MAP2: variants seen among roughly 807,000 people sequenced by gnomAD.
MAP2 encodes microtubule-associated protein 2.
Under a neutral mutation model 137.6 loss-of-function variants are expected in MAP2, and 14 were observed. The ratio of observed to expected loss-of-function variants is 0.10; its 90% CI spans 0.07 to 0.16. The LOEUF is 0.16. MAP2 is among the 10% of genes least tolerant of loss of function. The pLI is 1.00. For missense variants in MAP2, 2,088 were observed against 2,191.5 expected (o/e 0.95, Z 0.94); for synonymous variants, 786 against 782.3 (o/e 1.00, Z -0.08).
chr2:209,481,597 A>G (rs760440412), intron 1 of MAP2, among the ~76,000 whole-genome samples: 32 of 152,316 alleles, frequency 2.1e-4, no homozygotes, highest in Non-Finnish European at 4.0e-4. Context: ...TGTGTGGTCA[A>G]CCACATCTAA....
chr2:209,486,693 C>T (rs537665510), intron 1 of MAP2, among the ~76,000 whole-genome samples: 12 of 152,176 alleles, frequency 7.9e-5, no homozygotes, highest in African/African-American at 2.2e-4. Context: ...GTTTTAAATA[C>T]GTTATTGAAA....
Position 209,520,407 on chromosome 2 carries a change from T to G in MAP2, c.-172+12766T>G, listed in dbSNP as rs532471143. Among the ~76,000 whole-genome samples, 21 of 152,162 alleles carry G rather than the reference T, an allele frequency of 1.4e-4. No individual in the cohort carries two copies. The South Asian group carries it at 4.3e-3, about 32-fold the overall frequency. On this transcript the variant is annotated intron_variant, in intron 2 of 15. Coordinates refer to ENST00000682079, the MANE Select transcript of MAP2 (RefSeq NM_001375505.1). ...GAACAGCATAAAATGCATATTTTTTTGTGTGCGAATGTAATTAGAATTCTA... is the reference window on the plus strand; with the variant it reads ...GAACAGCATAAAATGCATATTTTTTGGTGTGCGAATGTAATTAGAATTCTA...
At chr2:209,483,286 G>A (rs2057956570) in intron 1 of MAP2, among the ~76,000 whole-genome samples, 1 of 152,174 alleles carries the variant, frequency 6.6e-6, no homozygotes, top group African/African-American at 2.4e-5. Flanking sequence ...AAGAATGTGA[G>A]TGTTATAAAG....
intron 4 of MAP2, among the ~76,000 whole-genome samples, chr2:209,641,817 C>G (rs1351874220): frequency 6.6e-6 from 1 of 151,876 alleles, no homozygotes; most frequent in African/African-American, 2.4e-5. Context: ...AAAATAGGCT[C>G]AGAAATAGTA....
intron 1 of MAP2, among the ~76,000 whole-genome samples, chr2:209,458,227 C>T (rs2149556375): frequency 6.6e-6 from 1 of 152,236 alleles, no homozygotes; most frequent in African/African-American, 2.4e-5. Context: ...CTTCATTACA[C>T]TGTTTGGAGT....
intron 3 of MAP2, among the ~76,000 whole-genome samples, chr2:209,593,808 A>T (rs1160971980): frequency 2.3e-5 from 1 of 43,342 alleles, no homozygotes; most frequent in Non-Finnish European, 4.2e-5. Context: ...ATAATATATA[A>T]TATAATATAA....
intron 2 of MAP2, among the ~76,000 whole-genome samples, chr2:209,532,382 T>C (rs1183266296): frequency 6.6e-6 from 1 of 152,204 alleles, no homozygotes. Flanking sequence ...ACATGCCTAA[T>C]GCTAAGTGTT....
intron 1 of MAP2, among the ~76,000 whole-genome samples, chr2:209,443,959 A>G (rs16842897): frequency 0.028 from 4,183 of 151,732 alleles, 212 homozygotes; most frequent in African/African-American, 0.097. Flanking sequence ...CAAACCTCCA[A>G]GCAAAACCAG....
intron 1 of MAP2, among the ~76,000 whole-genome samples, chr2:209,460,376 G>A (rs900286508): frequency 6.6e-6 from 1 of 152,146 alleles, no homozygotes; most frequent in Non-Finnish European, 1.5e-5. Flanking sequence ...TGGTTCTTTG[G>A]GACGTGGATA....
chr2:209,484,271 G>A (rs1245895739), intron 1 of MAP2, among the ~76,000 whole-genome samples: 1 of 152,204 alleles, frequency 6.6e-6, no homozygotes, highest in Non-Finnish European at 1.5e-5. Flanking sequence ...TTTAGTGGTA[G>A]GTGGTCAGTG....
chr2:209,622,714 T>G (rs1381966675), intron 3 of MAP2, among the ~76,000 whole-genome samples: 2 of 152,208 alleles, frequency 1.3e-5, no homozygotes, highest in African/African-American at 4.8e-5. Flanking sequence ...TATCCTATGT[T>G]AATTTAAAAT....
chr2:209,625,832 G>A (rs1323673501), intron 4 of MAP2, among the ~76,000 whole-genome samples: 1 of 152,064 alleles, frequency 6.6e-6, no homozygotes, highest in Non-Finnish European at 1.5e-5. Flanking sequence ...ATTTTTGCAT[G>A]AGTAAATAAA....
At chr2:209,666,775 A>G (rs921990800) in intron 5 of MAP2, among the ~76,000 whole-genome samples, 1 of 151,994 alleles carries the variant, frequency 6.6e-6, no homozygotes, top group East Asian at 1.9e-4. Context: ...TTATCATCTT[A>G]TGATGGAATT....
At chr2:209,462,985 A>G (rs1366461058) in intron 1 of MAP2, among the ~76,000 whole-genome samples, 2 of 150,768 alleles carry the variant, frequency 1.3e-5, no homozygotes, top group Non-Finnish European at 2.9e-5. Context: ...AGCATAATGC[A>G]CACACACACA....
In MAP2 at chr2:209,424,082, GGCA is replaced by G. The variant is rs565672185; in HGVS notation, c.-394_-392del. ...GGGCGCTCGGGCTGCGCGGGCTCTG[GGCA>G]GCAGCAGCAGCAGCAGCAGCATCCT... On this transcript the variant is annotated 5_prime_UTR_variant, in exon 1 of 16. Transcript: ENST00000682079. The G allele has an allele frequency of 6.1e-4, 98 of 160,382 alleles. No homozygotes were observed. Among genetic ancestry groups the G allele is most frequent in the South Asian group, 1.5e-3 (9 of 5,910 alleles). The allele number at this position is 160,382 out of a possible 1,614,324, so 9.9% of individuals were successfully genotyped here.
chr2:209,597,090 G>C (rs997770083), intron 3 of MAP2, among the ~76,000 whole-genome samples: 2 of 152,150 alleles, frequency 1.3e-5, no homozygotes, highest in African/African-American at 4.8e-5. Flanking sequence ...CTTAAATGGA[G>C]TAAGTGTGCT....
intron 2 of MAP2, among the ~76,000 whole-genome samples, chr2:209,567,032 A>G (rs1401418874): frequency 2.0e-5 from 3 of 152,212 alleles, no homozygotes; most frequent in Non-Finnish European, 4.4e-5. Flanking sequence ...AGTAGAAAGT[A>G]TGTATAAACT....
intron 2 of MAP2, among the ~76,000 whole-genome samples, chr2:209,528,218 A>G (rs1197151985): frequency 6.6e-6 from 1 of 151,700 alleles, no homozygotes. Context: ...CCCACATGGT[A>G]TATGTATAAA....
At chr2:209,596,383 A>C (rs527686068) in intron 3 of MAP2, among the ~76,000 whole-genome samples, 1 of 152,228 alleles carries the variant, frequency 6.6e-6, no homozygotes, top group Non-Finnish European at 1.5e-5. Flanking sequence ...TGATGCATCT[A>C]CAATTAGATA....
Sources: allele counts gnomAD v4.1 joint callset (sites outside exome capture counted in the v4.1 genomes callset), GRCh38; gene constraint gnomAD v4.1.1; transcripts MANE v1.5; gene names NCBI Gene and HGNC (gene_info 2026-07-23, HGNC 2026-07-21).